Variants in KCNAB1 observed in about 807,000 individuals in gnomAD.
KCNAB1 encodes the protein potassium voltage-gated channel subfamily A regulatory beta subunit 1.
In KCNAB1, 35 loss-of-function variants were observed where a neutral mutation model predicts 64.6. That is an observed-to-expected ratio of 0.54 (90% CI 0.41 to 0.72). The LOEUF (loss-of-function observed/expected upper bound fraction) is 0.72. KCNAB1 is among the 30% of genes least tolerant of loss of function. The probability of loss-of-function intolerance (pLI) is 0.00; values close to 1 mark genes in which losing one functional copy is unlikely to be tolerated. For synonymous variants in KCNAB1, 177 were observed against 183.8 expected (o/e 0.96, Z 0.30); for missense variants, 401 against 512.9 (o/e 0.78, Z 2.11).
At chr3:156,256,300 G>T (rs948426247) in intron 1 of KCNAB1, among the ~76,000 whole-genome samples, 2 of 152,004 alleles carry the variant, frequency 1.3e-5, no homozygotes, top group Non-Finnish European at 2.9e-5. Context: ...ACACAATGTT[G>T]TTCCACATTT....
chr3:156,360,655 T>C (rs1725544058), intron 1 of KCNAB1, among the ~76,000 whole-genome samples: 1 of 151,798 alleles, frequency 6.6e-6, no homozygotes, highest in Non-Finnish European at 1.5e-5. Context: ...GTCAAGGCTG[T>C]AGTAAGCTAC....
chr3:156,138,782 G>A (rs1202076707), intron 1 of KCNAB1, among the ~76,000 whole-genome samples: 1 of 152,166 alleles, frequency 6.6e-6, no homozygotes, highest in African/African-American at 2.4e-5. Context: ...GAGAAACTAA[G>A]GGGTCAGAAA....
chr3:156,386,107 A>T (rs1477118526), intron 1 of KCNAB1, among the ~76,000 whole-genome samples: 1 of 152,256 alleles, frequency 6.6e-6, no homozygotes, highest in Non-Finnish European at 1.5e-5. Flanking sequence ...GGCATAAGGC[A>T]GAAAAAGAGA....
At chr3:156,446,742 C>T (rs1243181397) in intron 2 of KCNAB1, 2 of 152,354 alleles carry the variant, frequency 1.3e-5, no homozygotes, top group Non-Finnish European at 2.9e-5. Flanking sequence ...TCCTCGCCAT[C>T]CTCACTACCA....
chr3:156,384,574 C>T (rs1712427299), intron 1 of KCNAB1, among the ~76,000 whole-genome samples: 1 of 152,112 alleles, frequency 6.6e-6, no homozygotes, highest in South Asian at 2.1e-4. Context: ...GAAATGAGAA[C>T]ATGAGATATG....
intron 1 of KCNAB1, among the ~76,000 whole-genome samples, chr3:156,263,432 C>T (rs1161515570): frequency 1.3e-5 from 2 of 151,896 alleles, no homozygotes; most frequent in African/African-American, 4.8e-5. Context: ...TTGAAAATTT[C>T]CTAGTTTATT....
chr3:156,143,001 G>T, intron 1 of KCNAB1: 4 of 1,313,462 alleles, frequency 3.0e-6, no homozygotes, highest in Non-Finnish European at 3.9e-6. Flanking sequence ...CAACAGCTCT[G>T]TCGGGAACTT....
chr3:156,119,544 T>C (rs950942408), upstream of KCNAB1, among the ~76,000 whole-genome samples: 17 of 152,170 alleles, frequency 1.1e-4, no homozygotes, highest in African/African-American at 3.9e-4. Flanking sequence ...GGTTTTGTCA[T>C]GGAAAGAAAA....
chr3:156,528,646 G>C (rs1435638752), intron 12 of KCNAB1, among the ~76,000 whole-genome samples: 3 of 152,132 alleles, frequency 2.0e-5, no homozygotes, highest in Non-Finnish European at 4.4e-5. Context: ...CAAAAAGAAA[G>C]GGGAAGGCAA....
At chr3:156,286,044 C>A (rs566826186) in intron 1 of KCNAB1, among the ~76,000 whole-genome samples, 2 of 152,258 alleles carry the variant, frequency 1.3e-5, no homozygotes, top group East Asian at 3.9e-4. Context: ...ATTAAGCCTG[C>A]CTTCAGAGTT....
intron 1 of KCNAB1, among the ~76,000 whole-genome samples, chr3:156,125,630 T>C (rs1278476317): frequency 2.6e-5 from 4 of 152,258 alleles, no homozygotes; most frequent in Non-Finnish European, 5.9e-5. Context: ...TGAATGTTTC[T>C]TATTATCTAG....
intron 1 of KCNAB1, among the ~76,000 whole-genome samples, chr3:156,402,479 C>T (rs1210662920): frequency 6.6e-6 from 1 of 152,154 alleles, no homozygotes; most frequent in Non-Finnish European, 1.5e-5. Flanking sequence ...TAAATAGGTT[C>T]TCAATAACTG....
In KCNAB1 at chr3:156,316,752, C is replaced by T. The variant is rs139409475; in HGVS notation, c.276-104864C>T. 2.7e-3 allele frequency among the ~76,000 whole-genome samples: 404 copies of T among 152,176 alleles called. 11 individuals carry two copies. The East Asian group carries it at 0.061, about 23-fold the overall frequency. On this transcript the variant is annotated intron_variant, in intron 1 of 13. Coordinates refer to ENST00000490337, the MANE Select transcript of KCNAB1 (RefSeq NM_172160.3). ...ACAAAGAGAGGTGCCAGTCCTCAGC[C>T]CAAAAGAGCTCAAGTTGGGAGAAGA...
intron 8 of KCNAB1, among the ~76,000 whole-genome samples, chr3:156,484,006 T>C (rs1012046395): frequency 6.6e-6 from 1 of 152,156 alleles, no homozygotes; most frequent in East Asian, 1.9e-4. Context: ...ATTGTACTCA[T>C]CTGGTGTTGT....
intron 1 of KCNAB1, among the ~76,000 whole-genome samples, chr3:156,299,213 G>C (rs931653211): frequency 6.6e-6 from 1 of 152,212 alleles, no homozygotes; most frequent in Non-Finnish European, 1.5e-5. Context: ...CAGGAAAGAA[G>C]CACAGCACAT....
chr3:156,333,370 C>A (rs114633932), intron 1 of KCNAB1, among the ~76,000 whole-genome samples: 2,857 of 147,964 alleles, frequency 0.019, 95 homozygotes, highest in African/African-American at 0.071. Context: ...ACGTGTATAG[C>A]TTTTTCTTAT....
chr3:156,189,892 C>T (rs1010523098), intron 1 of KCNAB1, among the ~76,000 whole-genome samples: 1 of 152,094 alleles, frequency 6.6e-6, no homozygotes, highest in Non-Finnish European at 1.5e-5. Flanking sequence ...CTAAACAAAT[C>T]GCCAATCAAA....
At chr3:156,198,329 G>C (rs1443229132) in intron 1 of KCNAB1, among the ~76,000 whole-genome samples, 1 of 152,096 alleles carries the variant, frequency 6.6e-6, no homozygotes, top group Non-Finnish European at 1.5e-5. Flanking sequence ...CTGAGTTCAA[G>C]TCCTGAATAT....
intron 1 of KCNAB1, among the ~76,000 whole-genome samples, chr3:156,336,920 A>G (rs781138494): frequency 6.6e-5 from 10 of 152,258 alleles, no homozygotes; most frequent in African/African-American, 9.6e-5. Context: ...GATTAGCATT[A>G]TATGTTCATA....
Sources: gnomAD v4.1 joint callset for allele counts (sites outside exome capture counted in the v4.1 genomes callset) on GRCh38, gnomAD v4.1.1 for gene constraint, MANE v1.5 for transcripts, NCBI Gene and HGNC (gene_info 2026-07-23, HGNC 2026-07-21) for gene names.